RELB: variants seen among roughly 807,000 people sequenced by gnomAD.
RELB encodes the protein RELB proto-oncogene, NF-kB subunit.
In RELB, 14 loss-of-function variants were observed where a neutral mutation model predicts 55.4. The observed-to-expected ratio is 0.25, with a 90% CI of 0.17 to 0.40. The LOEUF is 0.40. Ranked by LOEUF, RELB falls within the 10% of genes least tolerant of loss-of-function variation. The pLI, the probability that RELB is intolerant of heterozygous loss-of-function variation, is 1.00. For missense variants in RELB, 669 were observed against 830.7 expected, an observed-to-expected ratio of 0.81 and a Z score of 2.39; for synonymous variants, 409 against 371.3, an observed-to-expected ratio of 1.10 and a Z score of -1.17.
chr19:45,028,735 C>T (rs1971586551), intron 7 of RELB, among the ~76,000 whole-genome samples, 153 bp from the exon 8 acceptor site: 1 of 152,208 alleles, frequency 6.6e-6, no homozygotes, highest in Non-Finnish European at 1.5e-5. Context: ...TCCACCTGGA[C>T]TATGGGTTCC....
At chr19:45,018,737 C>T (rs1329886247) in intron 4 of RELB, among the ~76,000 whole-genome samples, 1 of 150,414 alleles carries the variant, frequency 6.6e-6, no homozygotes, top group East Asian at 2.0e-4. Context: ...AGTGCAATGG[C>T]GCGATCTCGG....
intron 8 of RELB, among the ~76,000 whole-genome samples, chr19:45,031,599 G>C (rs977163885): frequency 6.6e-6 from 1 of 151,926 alleles, no homozygotes; most frequent in African/African-American, 2.4e-5. Context: ...TGTTTGAGGC[G>C]GAGTCTTGCT....
chr19:45,020,975 G>A (rs1971478548), intron 4 of RELB, among the ~76,000 whole-genome samples: 1 of 152,148 alleles, frequency 6.6e-6, no homozygotes, highest in Admixed American at 6.6e-5. Flanking sequence ...AGGAGTTTGA[G>A]ACCAGCTTGG....
chr19:45,029,090 G>T, intron 8 of RELB, 98 bp downstream of exon 8: 1 of 806,842 alleles, frequency 1.2e-6, no homozygotes. Context: ...AGAAAGAGCT[G>T]GTTAACCAGG....
chr19:45,032,633 C>T lies in RELB; in HGVS notation c.1091C>T (p.Pro364Leu). 1 of 1,613,046 alleles carries T rather than the reference C, an allele frequency of 6.2e-7. No homozygotes were observed. Among genetic ancestry groups the T allele is most frequent in the Non-Finnish European group, 8.5e-7 (1 of 1,179,614 alleles). Reference protein sequence around the residue: ...HRQIAIVFKTPPYEDLEIVEP... With the variant: ...HRQIAIVFKTLPYEDLEIVEP... ...CAGATTGCCATTGTGTTCAAGACGC[C>T]GCCCTACGAGGACCTGGAGATTGTC... The change falls in exon 9 of 12, where the codon CCG becomes CTG. Residue 364 changes from proline to leucine, a missense_variant. Transcript: ENST00000221452.
intron 7 of RELB, among the ~76,000 whole-genome samples, chr19:45,026,957 A>T (rs986855609): frequency 6.6e-6 from 1 of 152,066 alleles, no homozygotes; most frequent in Non-Finnish European, 1.5e-5. Context: ...TAGCCGGGCG[A>T]GGTGGCTTAC....
Position 45,037,616 on chromosome 19 carries a change from G to A in RELB, c.1566G>A (p.Gly522=), listed in dbSNP as rs776097913. The A allele has an allele frequency of 2.2e-5, 36 of 1,603,668 alleles. No individual in the cohort carries two copies. Among genetic ancestry groups the A allele is most frequent in the Middle Eastern group, 1.7e-4 (1 of 6,032 alleles). Residue 522 remains glycine, a synonymous_variant, in exon 12 of 12, where the codon GGG becomes GGA. Transcript: ENST00000221452. ...CTGTTGTGTGCAGCGGAGGTGCCGG[G>A]GCCGTGGTTGGGGAGACCCCCGGCC... ...ASAVVCSGGA[G]AVVGETPGPE...
rs542751752 is a variant in RELB at position 45,034,260 on chromosome 19, C to T, written c.1224C>T (p.Asp408=). The T allele has an allele frequency of 6.2e-7, 1 of 1,613,950 alleles. No individual in the cohort carries two copies. The highest frequency in any genetic ancestry group is 1.1e-5 in the South Asian group (1 of 91,084). Residue 408 remains aspartate (D), a synonymous_variant, in exon 10 of 12, where the codon GAC becomes GAT. Coordinates refer to ENST00000221452, the MANE Select transcript of RELB (RefSeq NM_006509.4). ...CCTTAACAGACAGCTACGGCGTGGACAAGAAGCGGAAACGGGGGATGCCCG... is the reference window on the plus strand; with the variant it reads ...CCTTAACAGACAGCTACGGCGTGGATAAGAAGCGGAAACGGGGGATGCCCG... ...LPRDHDSYGV[D]KKRKRGMPDV...
In RELB at chr19:45,037,782, G is replaced by T; in HGVS notation, c.1732G>T (p.Ala578Ser). The T allele has an allele frequency of 6.7e-7, 1 of 1,483,842 alleles. No individual in the cohort carries two copies. 91.9% of individuals were successfully genotyped at this position (1,483,842 alleles called of 1,614,324 possible). ...CGGCCTCCTATCCCCGGGGCCTGAA[G>T]CCACGTAGCCCCGCGATGCCAGAGG... ...GGGLLSPGPE[A>S]T The change falls in exon 12 of 12, where the codon GCC becomes TCC. Residue 578 changes from alanine (A) to serine (S), a missense_variant. Transcript: ENST00000221452.
At chr19:45,025,797 CG>C in intron 7 of RELB, 60 bp downstream of exon 7, 3 of 1,605,008 alleles carry the variant, frequency 1.9e-6, no homozygotes, top group Non-Finnish European at 2.6e-6. Context: ...CAGAATGTCC[CG>C]CTTACAGAGG....
intron 11 of RELB, among the ~76,000 whole-genome samples, chr19:45,034,761 C>T (rs1424902130): frequency 6.6e-6 from 1 of 152,130 alleles, no homozygotes; most frequent in East Asian, 1.9e-4. Context: ...TTCTACCTCT[C>T]AGAGCCTCAG....
intron 3 of RELB, among the ~76,000 whole-genome samples, chr19:45,010,723 G>A (rs547993426): frequency 3.3e-5 from 5 of 152,110 alleles, no homozygotes; most frequent in African/African-American, 1.2e-4. Context: ...TGTCGCCCAG[G>A]CTGGAGTGCA....
intron 8 of RELB, chr19:45,032,323 G>T: frequency 2.0e-6 from 1 of 510,166 alleles, no homozygotes. Flanking sequence ...GGAGGCTGAG[G>T]CAGGAGAATT....
chr19:45,016,032 T>C (rs1971417646), intron 4 of RELB, among the ~76,000 whole-genome samples: 1 of 151,964 alleles, frequency 6.6e-6, no homozygotes. Flanking sequence ...GCAGTCTCGC[T>C]CTGTCACCCA....
rs774509192 is a variant in RELB, at chr19:45,028,955, C to A, written c.954C>A (p.Gly318=). The change falls in exon 8 of 12, where the codon GGC becomes GGA. Residue 318 remains glycine (G), a synonymous_variant. Coordinates refer to ENST00000221452, the MANE Select transcript of RELB (RefSeq NM_006509.4). The part of the protein sequence containing the change: ...INKESGPCTG[G]EELYLLCDKV... ...AGGAAAGCGGGCCGTGCACCGGTGG[C>A]GAGGAGCTCTACTTGCTCTGCGACA... 12 of 1,595,564 alleles carry A rather than the reference C, an allele frequency of 7.5e-6. No homozygotes were observed. The South Asian group carries it at 9.1e-5, about 12-fold the overall frequency.
chr19:45,027,888 AT>A (rs1263590537), intron 7 of RELB, among the ~76,000 whole-genome samples: 3 of 150,914 alleles, frequency 2.0e-5, no homozygotes, highest in Admixed American at 6.6e-5. Context: ...TATTTTTATT[AT>A]TTTTTTTTAG....
intron 3 of RELB, among the ~76,000 whole-genome samples, chr19:45,011,547 C>T (rs1037032976): frequency 6.7e-6 from 1 of 150,122 alleles, no homozygotes; most frequent in Admixed American, 6.6e-5. Context: ...GTGTCCGCCT[C>T]CTGGGTTCAA....
chr19:45,018,260 C>T (rs1971444396), intron 4 of RELB, among the ~76,000 whole-genome samples: 1 of 151,958 alleles, frequency 6.6e-6, no homozygotes, highest in Admixed American at 6.6e-5. Flanking sequence ...AAAAATTAGC[C>T]AGGTGTGGTG....
chr19:45,005,032 G>T (rs564660829), intron 2 of RELB, among the ~76,000 whole-genome samples: 1 of 151,968 alleles, frequency 6.6e-6, no homozygotes, highest in Non-Finnish European at 1.5e-5. Flanking sequence ...TTAGCCAGGC[G>T]TGGTGGCAGG....
Sources: allele counts gnomAD v4.1 joint callset (sites outside exome capture counted in the v4.1 genomes callset), GRCh38; gene constraint gnomAD v4.1.1; transcripts MANE v1.5; gene names NCBI Gene and HGNC (gene_info 2026-07-23, HGNC 2026-07-21).